FAM117A: variants seen among roughly 807,000 people sequenced by gnomAD.
The protein encoded by FAM117A is protein FAM117A.
A neutral mutation model predicts 44.1 loss-of-function variants in FAM117A; 21 were observed. The ratio of observed to expected loss-of-function variants is 0.48; its 90% CI spans 0.34 to 0.69. The LOEUF (loss-of-function observed/expected upper bound fraction) is 0.69, where lower values mean the gene tolerates loss of function less well. Ranked by LOEUF, FAM117A falls within the 30% of genes least tolerant of loss-of-function variation. FAM117A has a pLI of 0.01. For synonymous variants in FAM117A, 220 were observed against 238.3 expected (o/e 0.92, Z 0.71); for missense variants, 498 against 589.9 (o/e 0.84, Z 1.61).
intron 1 of FAM117A, among the ~76,000 whole-genome samples, chr17:49,735,051 C>T (rs897450851): frequency 6.6e-6 from 1 of 152,080 alleles, no homozygotes; most frequent in African/African-American, 2.4e-5. Flanking sequence ...TACACAGTCT[C>T]TGTTTGAGAT....
intron 2 of FAM117A, among the ~76,000 whole-genome samples, chr17:49,729,713 C>T (rs1567828890): frequency 1.3e-5 from 2 of 151,876 alleles, no homozygotes; most frequent in Non-Finnish European, 1.5e-5. Flanking sequence ...ACCATGTTGG[C>T]CAGGATGGTC....
In FAM117A at chr17:49,784,674, C is replaced by T. The variant is rs141319638; in HGVS notation, c.-621+3823G>A. 5.9e-3 allele frequency among the ~76,000 whole-genome samples: 895 copies of T among 152,318 alleles called. 3 individuals are homozygous for T. The highest frequency in any genetic ancestry group is 8.3e-3 in the Non-Finnish European group (566 of 68,028). On this transcript the variant is annotated intron_variant, in intron 1 of 7. Coordinates refer to the FAM117A transcript ENST00000513602. The stretch of plus-strand genomic sequence containing the variant: ...CCTGTGAAATTCCACTCTTGCTTCA[C>T]GTCTTTTATGAATCCTTTCCTAAAC...
At chr17:49,720,113 A>C in intron 4 of FAM117A, 2 of 691,608 alleles carry the variant, frequency 2.9e-6, no homozygotes, top group Non-Finnish European at 2.4e-6. Context: ...CATTGCCTCA[A>C]TTATATGGGG....
intron 1 of FAM117A, among the ~76,000 whole-genome samples, chr17:49,743,121 G>A (rs373200667): frequency 1.3e-5 from 2 of 152,160 alleles, no homozygotes; most frequent in South Asian, 2.1e-4. Context: ...CCTGTGTTTT[G>A]TTATCAGACT....
intron 2 of FAM117A, among the ~76,000 whole-genome samples, chr17:49,731,976 G>A (rs918553682): frequency 2.0e-5 from 3 of 152,016 alleles, no homozygotes; most frequent in Non-Finnish European, 2.9e-5. Context: ...AGTAGAGACG[G>A]GGTTTCACCA....
chr17:49,765,885 A>G (rs2073744275), upstream of FAM117A, among the ~76,000 whole-genome samples: 1 of 152,220 alleles, frequency 6.6e-6, no homozygotes, highest in Admixed American at 6.5e-5. Flanking sequence ...TGGAAAAGGA[A>G]AAACATGGAT....
At chr17:49,743,146 C>A (rs1238793431) in intron 1 of FAM117A, among the ~76,000 whole-genome samples, 2 of 152,194 alleles carry the variant, frequency 1.3e-5, no homozygotes, top group East Asian at 3.8e-4. Flanking sequence ...TATGTCATGA[C>A]CTCCTGGCAC....
At chr17:49,723,107 C>T (rs2073543080) in intron 2 of FAM117A, among the ~76,000 whole-genome samples, 2 of 152,128 alleles carry the variant, frequency 1.3e-5, no homozygotes, top group African/African-American at 4.8e-5. Context: ...GTCCCCTGAC[C>T]AAAGCAGGGG....
upstream of FAM117A, among the ~76,000 whole-genome samples, chr17:49,767,557 C>T (rs530644673): frequency 6.6e-6 from 1 of 152,286 alleles, no homozygotes; most frequent in South Asian, 2.1e-4. Context: ...GATACATGAC[C>T]TGGTTCCTGC....
upstream of FAM117A, chr17:49,789,035 C>T: frequency 2.2e-6 from 1 of 460,720 alleles, no homozygotes; most frequent in South Asian, 5.7e-5. Flanking sequence ...TCGGCCTATG[C>T]TTGCAACTAT....
intron 1 of FAM117A, among the ~76,000 whole-genome samples, chr17:49,783,647 T>C (rs1308242990): frequency 6.6e-6 from 1 of 152,132 alleles, no homozygotes; most frequent in African/African-American, 2.4e-5. Flanking sequence ...AAGGGCCTAT[T>C]AGTGACTGTG....
chr17:49,762,360 A>G (rs571934852), intron 1 of FAM117A, among the ~76,000 whole-genome samples: 1 of 152,300 alleles, frequency 6.6e-6, no homozygotes, highest in Admixed American at 6.5e-5. Flanking sequence ...CATGATAGGC[A>G]TGAGTTAGTC....
At chr17:49,732,472 G>A in intron 2 of FAM117A, 79 bp downstream of exon 2, 1 of 1,356,760 alleles carries the variant, frequency 7.4e-7, no homozygotes, top group Non-Finnish European at 1.0e-6. Context: ...GCAATGACTT[G>A]AGGAAGACCA....
At position 49,711,539 on chromosome 17, in the gene FAM117A, G is replaced by A. The variant is rs1218900711; in HGVS notation, c.1078C>T (p.Leu360=). 16 of 1,613,888 alleles carry A rather than the reference G, an allele frequency of 9.9e-6. No homozygotes were observed. The highest frequency in any genetic ancestry group is 1.4e-5 in the Non-Finnish European group (16 of 1,180,034). ...TCAGGACAGGAAGTCAGGAAGGCCA[G>A]GTCAGGACCTGGAGACCTGGAGGAT... ...FEEATSPGPD[L]AFLTSCPDKN... The change falls in exon 8 of 8, where the codon CTG becomes TTG. Residue 360 remains leucine (L), a synonymous_variant. Transcript: ENST00000240364.
intron 1 of FAM117A, among the ~76,000 whole-genome samples, chr17:49,760,839 T>C (rs2073720013): frequency 6.6e-6 from 1 of 152,186 alleles, no homozygotes; most frequent in Non-Finnish European, 1.5e-5. Context: ...GAGAATTTAA[T>C]TTAAGGGAGA....
chr17:49,788,817 G>A, upstream of FAM117A: 1 of 1,582,894 alleles, frequency 6.3e-7, no homozygotes, highest in Non-Finnish European at 8.6e-7. Flanking sequence ...CGGAACCGTC[G>A]GGCCGCAGCC....
chr17:49,732,087 A>G (rs1263037417), intron 2 of FAM117A, among the ~76,000 whole-genome samples: 2 of 152,176 alleles, frequency 1.3e-5, no homozygotes, highest in Non-Finnish European at 2.9e-5. Flanking sequence ...CGCCCAGCCT[A>G]AATCTCATTT....
chr17:49,754,545 C>A (rs1289956067), intron 1 of FAM117A, among the ~76,000 whole-genome samples: 3 of 151,858 alleles, frequency 2.0e-5, no homozygotes, highest in Non-Finnish European at 4.4e-5. Context: ...ACGTCATGAT[C>A]CACCCGCCTC....
chr17:49,715,514 T>C (rs1051053723), intron 7 of FAM117A, among the ~76,000 whole-genome samples: 4 of 152,114 alleles, frequency 2.6e-5, no homozygotes, highest in African/African-American at 7.2e-5. Context: ...TTTGGAAAGG[T>C]TGGCTCTCAA....
Sources: gnomAD v4.1 joint callset for allele counts (sites outside exome capture counted in the v4.1 genomes callset) on GRCh38, gnomAD v4.1.1 for gene constraint, MANE v1.5 for transcripts, NCBI Gene and HGNC (gene_info 2026-07-23, HGNC 2026-07-21) for gene names.